Variants in KCNIP4 observed in about 807,000 individuals in gnomAD.
KCNIP4 encodes the protein potassium voltage-gated channel interacting protein 4, also known as Kv channel-interacting protein 4.
A neutral mutation model predicts 34.0 loss-of-function variants in KCNIP4; 12 were observed. The observed-to-expected ratio is 0.35, with a 90% CI of 0.23 to 0.57. The LOEUF (loss-of-function observed/expected upper bound fraction) is 0.57, where lower values mean the gene tolerates loss of function less well. KCNIP4 is among the 20% of genes least tolerant of loss of function. The pLI is 0.83. For missense variants in KCNIP4, 238 were observed against 311.7 expected (o/e 0.76, Z 1.78); for synonymous variants, 124 against 102.2 (o/e 1.21, Z -1.29).
chr4:20,813,034 A>C (rs1383529838), intron 3 of KCNIP4, among the ~76,000 whole-genome samples: 1 of 152,118 alleles, frequency 6.6e-6, no homozygotes, highest in East Asian at 1.9e-4. Context: ...TTCTGTTAAA[A>C]GTATATGTAA....
intron 2 of KCNIP4, among the ~76,000 whole-genome samples, chr4:20,865,543 CCTA>C (rs1722795606): frequency 6.6e-6 from 1 of 151,870 alleles, no homozygotes; most frequent in Non-Finnish European, 1.5e-5. Context: ...AAAAGAAGAT[CCTA>C]CTATTTGTCA....
chr4:21,721,352 A>G (rs188869466), intron 1 of KCNIP4, among the ~76,000 whole-genome samples: 2 of 152,262 alleles, frequency 1.3e-5, no homozygotes, highest in Admixed American at 6.5e-5. Flanking sequence ...TTTCTAGTTT[A>G]TGTTTTATTT....
chr4:20,790,303 G>A (rs1178905990), intron 3 of KCNIP4, among the ~76,000 whole-genome samples: 1 of 152,126 alleles, frequency 6.6e-6, no homozygotes, highest in Non-Finnish European at 1.5e-5. Context: ...AATGAATAGT[G>A]AGTGAATGTG....
chr4:21,812,883 G>A (rs1158146284), intron 1 of KCNIP4, among the ~76,000 whole-genome samples: 3 of 152,148 alleles, frequency 2.0e-5, no homozygotes, highest in Non-Finnish European at 2.9e-5. Flanking sequence ...ATGTTTCTGT[G>A]TAGTGCTTGG....
chr4:21,866,841 A>G (rs1191539807), intron 1 of KCNIP4, among the ~76,000 whole-genome samples: 3 of 127,934 alleles, frequency 2.3e-5, no homozygotes, highest in African/African-American at 3.0e-5. Flanking sequence ...GCTATCTCTC[A>G]GCTCACTGCA....
chr4:21,337,736 C>T (rs984749595), intron 1 of KCNIP4, among the ~76,000 whole-genome samples: 18 of 152,102 alleles, frequency 1.2e-4, no homozygotes, highest in African/African-American at 4.3e-4. Context: ...TTTGAATAAA[C>T]TGATTTATTA....
At chr4:20,852,196 T>G (rs920435249) in intron 2 of KCNIP4, among the ~76,000 whole-genome samples, 1 of 152,222 alleles carries the variant, frequency 6.6e-6, no homozygotes, top group African/African-American at 2.4e-5. Context: ...CAGACTGATA[T>G]CCTTGATGAA....
At chr4:20,991,228 A>G (rs1399485980) in intron 1 of KCNIP4, among the ~76,000 whole-genome samples, 1 of 152,184 alleles carries the variant, frequency 6.6e-6, no homozygotes, top group Admixed American at 6.5e-5. Context: ...CCATTACACA[A>G]AGAGACACAA....
chr4:21,840,018 A>G (rs1723581849), intron 1 of KCNIP4, among the ~76,000 whole-genome samples: 1 of 152,000 alleles, frequency 6.6e-6, no homozygotes, highest in African/African-American at 2.4e-5. Flanking sequence ...TTACTTATCG[A>G]AAATACTCCA....
intron 2 of KCNIP4, among the ~76,000 whole-genome samples, chr4:20,873,497 T>G (rs1170415800): frequency 6.6e-6 from 1 of 152,204 alleles, no homozygotes; most frequent in Admixed American, 6.5e-5. Flanking sequence ...TTGGTGTTAT[T>G]TTACCACTGA....
intron 1 of KCNIP4, among the ~76,000 whole-genome samples, chr4:21,454,922 G>A (rs887575247): frequency 6.6e-6 from 1 of 152,022 alleles, no homozygotes; most frequent in African/African-American, 2.4e-5. Flanking sequence ...GTAGGGCAGT[G>A]ACCAGGTTAG....
At chr4:21,733,166 C>T (rs7378252) in intron 1 of KCNIP4, among the ~76,000 whole-genome samples, 2 of 151,830 alleles carry the variant, frequency 1.3e-5, no homozygotes, top group African/African-American at 4.8e-5. Flanking sequence ...ATTTTTTATG[C>T]GCCAATCCCA....
At chr4:20,764,530 G>T (rs186670123) in intron 3 of KCNIP4, among the ~76,000 whole-genome samples, 9 of 152,024 alleles carry the variant, frequency 5.9e-5, no homozygotes, top group Non-Finnish European at 1.2e-4. Context: ...AAGGAGAATC[G>T]TAAGACCAAC....
intron 1 of KCNIP4, among the ~76,000 whole-genome samples, chr4:21,714,747 A>C (rs1050087889): frequency 1.3e-5 from 2 of 151,780 alleles, no homozygotes; most frequent in Admixed American, 1.3e-4. Flanking sequence ...GTGACCTATG[A>C]ATGGATATTA....
intron 1 of KCNIP4, among the ~76,000 whole-genome samples, chr4:21,039,163 C>A (rs1479294719): frequency 6.6e-6 from 1 of 152,054 alleles, no homozygotes; most frequent in East Asian, 1.9e-4. Flanking sequence ...AGTTTGAGAC[C>A]AGTCTGGCCA....
chr4:21,899,806 A>G (rs952247063), intron 1 of KCNIP4, among the ~76,000 whole-genome samples: 6 of 152,188 alleles, frequency 3.9e-5, no homozygotes, highest in African/African-American at 1.4e-4. Context: ...ACAAAAATAG[A>G]AAGATATCCC....
chr4:21,774,475 G>C (rs1245667624), intron 1 of KCNIP4, among the ~76,000 whole-genome samples: 1 of 150,180 alleles, frequency 6.7e-6, no homozygotes. Context: ...GAATTTTCAT[G>C]TTGGTCTGTC....
At chr4:21,619,194 T>C (rs2109171231) in intron 1 of KCNIP4, among the ~76,000 whole-genome samples, 1 of 152,324 alleles carries the variant, frequency 6.6e-6, no homozygotes, top group African/African-American at 2.4e-5. Flanking sequence ...ATTTTCACTG[T>C]ACCATGCGTT....
intron 1 of KCNIP4, among the ~76,000 whole-genome samples, chr4:21,236,091 T>G (rs1249008868): frequency 1.3e-5 from 2 of 151,996 alleles, no homozygotes; most frequent in African/African-American, 4.8e-5. Context: ...GTTCAGGAGT[T>G]GGAGACCAGC....
Sources: allele counts gnomAD v4.1 joint callset (sites outside exome capture counted in the v4.1 genomes callset), GRCh38; gene constraint gnomAD v4.1.1; transcripts MANE v1.5; gene names NCBI Gene and HGNC (gene_info 2026-07-23, HGNC 2026-07-21).